The following TIAM1 variants were observed in gnomAD, a reference collection of about 807,000 sequenced individuals.
TIAM1 encodes rho guanine nucleotide exchange factor TIAM1.
In TIAM1, 65 loss-of-function variants were observed where a neutral mutation model predicts 163.5. The ratio of observed to expected loss-of-function variants is 0.40; its 90% CI spans 0.33 to 0.49. The LOEUF is 0.49. Ranked by LOEUF, TIAM1 falls within the 20% of genes least tolerant of loss-of-function variation. The probability of loss-of-function intolerance (pLI) is 0.77; values close to 1 mark genes in which losing one functional copy is unlikely to be tolerated. For synonymous variants in TIAM1, 833 were observed against 810.1 expected (o/e 1.03, Z -0.48); for missense variants, 1,789 against 2,044.7 (o/e 0.87, Z 2.41).
rs996571436 is a variant in TIAM1, at chr21:31,516,095, G to A, written c.-422+42832C>T. ...CACACTCCGGCATGGGAGATACAGC[G>A]AGACTCCATCTCAAAAAAAAAAAAA... On this transcript the variant is annotated intron_variant, in intron 1 of 28. Coordinates refer to the TIAM1 transcript ENST00000286827. Among the ~76,000 whole-genome samples, 463 of 129,896 alleles carry A rather than the reference G, an allele frequency of 3.6e-3. 3 individuals are homozygous for A. Among genetic ancestry groups the A allele is most frequent in the African/African-American group, 0.014 (445 of 32,828 alleles). The allele number at this position is 129,896 out of a possible 152,430, so 85.2% of individuals were successfully genotyped here.
chr21:31,460,244 G>A (rs9978856), intron 2 of TIAM1, among the ~76,000 whole-genome samples: 10 of 152,054 alleles, frequency 6.6e-5, no homozygotes, highest in Admixed American at 6.5e-4. Flanking sequence ...ATGATCCCCT[G>A]TCCCTGCCTT....
At chr21:31,496,677 C>T (rs1195513074) in intron 1 of TIAM1, among the ~76,000 whole-genome samples, 1 of 151,880 alleles carries the variant, frequency 6.6e-6, no homozygotes, top group African/African-American at 2.4e-5. Flanking sequence ...TTTTAGTGTC[C>T]AGAATGTCCT....
chr21:31,262,244 T>C (rs1308281338), intron 4 of TIAM1, among the ~76,000 whole-genome samples: 2 of 152,236 alleles, frequency 1.3e-5, no homozygotes, highest in Non-Finnish European at 2.9e-5. Flanking sequence ...CTGAGATCCA[T>C]GGAAGTCAAA....
intron 5 of TIAM1, among the ~76,000 whole-genome samples, chr21:31,247,073 A>G (rs1265441761): frequency 1.3e-5 from 2 of 152,140 alleles, no homozygotes; most frequent in South Asian, 2.1e-4. Flanking sequence ...TAATCGCAGC[A>G]CTTTGGGAGG....
intron 2 of TIAM1, among the ~76,000 whole-genome samples, chr21:31,463,547 G>A (rs1223484641): frequency 6.6e-6 from 1 of 152,186 alleles, no homozygotes; most frequent in Non-Finnish European, 1.5e-5. Context: ...GCCGGGTGCA[G>A]TGGCTCATGC....
Position 31,197,890 on chromosome 21 carries a change from T to A in TIAM1, c.2494-2585A>T, listed in dbSNP as rs1275665987. 2.0e-5 allele frequency among the ~76,000 whole-genome samples: 3 copies of A among 152,260 alleles called. No homozygotes were observed. The East Asian group carries it at 5.8e-4, about 29-fold the overall frequency. On this transcript the variant is annotated intron_variant, in intron 12 of 27. Transcript: ENST00000541036. ...AGGTCTCACTGGCTCTAGAGCCGCATTCTTTCCACTACACTACGATGCCTC... is the reference window on the plus strand; with the variant it reads ...AGGTCTCACTGGCTCTAGAGCCGCAATCTTTCCACTACACTACGATGCCTC...
intron 23 of TIAM1, among the ~76,000 whole-genome samples, chr21:31,131,969 T>A (rs954584691): frequency 6.6e-6 from 1 of 152,206 alleles, no homozygotes; most frequent in Non-Finnish European, 1.5e-5. Context: ...TAAATCTCTG[T>A]TGTTTGGAAG....
chr21:31,499,288 A>T (rs1181223511), intron 1 of TIAM1, among the ~76,000 whole-genome samples: 1 of 151,934 alleles, frequency 6.6e-6, no homozygotes, highest in African/African-American at 2.4e-5. Context: ...AGCCAGGCAC[A>T]GTGGCTCACA....
intron 2 of TIAM1, among the ~76,000 whole-genome samples, chr21:31,282,492 G>A (rs2146881736): frequency 6.6e-6 from 1 of 152,320 alleles, no homozygotes; most frequent in Middle Eastern, 3.4e-3. Flanking sequence ...GTGACCTTGA[G>A]ATGGACTCTC....
chr21:31,422,674 T>C (rs2043620191), intron 2 of TIAM1, among the ~76,000 whole-genome samples: 1 of 152,182 alleles, frequency 6.6e-6, no homozygotes, highest in African/African-American at 2.4e-5. Flanking sequence ...CCACCAGCAA[T>C]GTCCTGTGCC....
At position 31,314,388 on chromosome 21, in the gene TIAM1, C is replaced by A. The variant is rs184975342; in HGVS notation, c.-189+24855G>T. On this transcript the variant is annotated intron_variant, in intron 2 of 27. Coordinates refer to ENST00000541036, the MANE Select transcript of TIAM1 (RefSeq NM_001353694.2). ...ATTATATAAAATGTTAGTAAGCCCA[C>A]TAAACTCTTTGACCCTACCTATGAA... Among the ~76,000 whole-genome samples, 5 of 152,266 alleles carry A rather than the reference C, an allele frequency of 3.3e-5. No homozygotes were observed. In the East Asian group the frequency reaches 9.6e-4, roughly 29 times the overall value.
chr21:31,519,802 C>G (rs996626367), intron 1 of TIAM1, among the ~76,000 whole-genome samples: 5 of 152,086 alleles, frequency 3.3e-5, no homozygotes, highest in Non-Finnish European at 5.9e-5. Flanking sequence ...CCAAAAAAGA[C>G]AAATACTGTT....
chr21:31,161,078 T>TGTGTGTGTGTGTGTG (rs1568944076), intron 16 of TIAM1, among the ~76,000 whole-genome samples: 1 of 144,644 alleles, frequency 6.9e-6, no homozygotes, highest in Non-Finnish European at 1.5e-5. Flanking sequence ...TGTGTGTGTG[T>TGTGTGTGTGTGTGTG]TTAACAGTTG....
At chr21:31,127,849 G>A (rs958811978) in intron 25 of TIAM1, among the ~76,000 whole-genome samples, 6 of 152,160 alleles carry the variant, frequency 3.9e-5, no homozygotes, top group African/African-American at 1.2e-4. Context: ...CCAGGGATAC[G>A]ACAGGTAAGC....
At chr21:31,166,213 C>T (rs1404295225) in intron 15 of TIAM1, among the ~76,000 whole-genome samples, 2 of 152,180 alleles carry the variant, frequency 1.3e-5, no homozygotes, top group Non-Finnish European at 2.9e-5. Context: ...ACATTAAAAA[C>T]CTTCTCTAAT....
At chr21:31,233,717 A>T (rs957569411) in intron 6 of TIAM1, among the ~76,000 whole-genome samples, 2 of 152,222 alleles carry the variant, frequency 1.3e-5, no homozygotes, top group East Asian at 1.9e-4. Context: ...AAAAAAGACA[A>T]CTTTAAATTT....
intron 1 of TIAM1, among the ~76,000 whole-genome samples, chr21:31,472,331 G>T (rs752524324): frequency 1.3e-5 from 2 of 151,898 alleles, no homozygotes; most frequent in Non-Finnish European, 2.9e-5. Context: ...GTTTGAGACC[G>T]GCCTGGCCAA....
At chr21:31,537,154 T>C (rs1373440074) in intron 1 of TIAM1, among the ~76,000 whole-genome samples, 1 of 152,212 alleles carries the variant, frequency 6.6e-6, no homozygotes, top group Admixed American at 6.5e-5. Flanking sequence ...TGGGGTCCAC[T>C]ATAATCCAGT....
intron 20 of TIAM1, among the ~76,000 whole-genome samples, chr21:31,145,818 T>C (rs185167118): frequency 2.6e-5 from 4 of 152,310 alleles, no homozygotes; most frequent in African/African-American, 9.6e-5. Context: ...CAGTAAGTTC[T>C]TGGAAACTGC....
Sources: gnomAD v4.1 joint callset for allele counts (sites outside exome capture counted in the v4.1 genomes callset) on GRCh38, gnomAD v4.1.1 for gene constraint, MANE v1.5 for transcripts, NCBI Gene and HGNC (gene_info 2026-07-23, HGNC 2026-07-21) for gene names.